Variants in CRADD observed in about 807,000 individuals in gnomAD.
CRADD encodes death domain-containing protein CRADD.
Under a neutral mutation model 15.5 loss-of-function variants are expected in CRADD, and 9 were observed. The observed-to-expected ratio is 0.58, with a 90% CI of 0.35 to 1.01. The LOEUF (loss-of-function observed/expected upper bound fraction) is 1.01. Among genes scored for constraint, CRADD ranks in the 50% least tolerant of loss-of-function variants. The pLI, the probability that CRADD is intolerant of heterozygous loss-of-function variation, is 0.02. For synonymous variants in CRADD, 118 were observed against 107.6 expected (o/e 1.10, Z -0.60); for missense variants, 227 against 250.3 (o/e 0.91, Z 0.63).
chr12:93,852,188 C>T (rs1958230682), downstream of CRADD, among the ~76,000 whole-genome samples: 1 of 152,144 alleles, frequency 6.6e-6, no homozygotes, highest in Non-Finnish European at 1.5e-5. Flanking sequence ...TGCTGTCTTC[C>T]CCCTGGGTTT....
intron 2 of CRADD, among the ~76,000 whole-genome samples, chr12:93,742,480 G>C (rs1288781783): frequency 1.4e-5 from 2 of 146,802 alleles, no homozygotes; most frequent in Non-Finnish European, 1.5e-5. Context: ...AGCCCAGCGC[G>C]GGGAGGCGGC....
chr12:93,845,093 C>A (rs1326899172), intron 2 of CRADD, among the ~76,000 whole-genome samples: 1 of 152,178 alleles, frequency 6.6e-6, no homozygotes, highest in Non-Finnish European at 1.5e-5. Flanking sequence ...TGAGTCTGCC[C>A]TGGTTTGGCA....
At chr12:93,844,004 G>A (rs1303557705) in intron 2 of CRADD, among the ~76,000 whole-genome samples, 1 of 152,180 alleles carries the variant, frequency 6.6e-6, no homozygotes. Flanking sequence ...TTACAGACAT[G>A]AGCCACCGCA....
At chr12:93,743,527 C>T (rs568151421) in intron 2 of CRADD, among the ~76,000 whole-genome samples, 5 of 152,220 alleles carry the variant, frequency 3.3e-5, no homozygotes, top group East Asian at 1.9e-4. Flanking sequence ...GATTTGGTTT[C>T]GCCATGTTGC....
intron 2 of CRADD, among the ~76,000 whole-genome samples, chr12:93,750,314 A>G (rs1188683717): frequency 2.0e-5 from 3 of 151,290 alleles, no homozygotes; most frequent in Non-Finnish European, 3.0e-5. Flanking sequence ...TGGTAATAAG[A>G]TGAAAGAATG....
At chr12:93,850,993 T>C (rs1015705995), downstream of CRADD, among the ~76,000 whole-genome samples, 3 of 152,164 alleles carry the variant, frequency 2.0e-5, no homozygotes, top group Non-Finnish European at 4.4e-5. This position sits in a 1 kb window ranked among gnomAD's most constrained non-coding sequence, Gnocchi z 4.0. Context: ...GAGCCCTTCA[T>C]CTTTAAAAGA....
intron 2 of CRADD, among the ~76,000 whole-genome samples, chr12:93,711,900 C>T (rs541471107): frequency 7.2e-5 from 11 of 152,126 alleles, no homozygotes; most frequent in Admixed American, 2.0e-4. Flanking sequence ...GGATTACAGG[C>T]GTGAGCCACC....
intron 2 of CRADD, among the ~76,000 whole-genome samples, chr12:93,731,759 A>G (rs1956468866): frequency 1.3e-5 from 2 of 152,246 alleles, no homozygotes; most frequent in Admixed American, 1.3e-4. Context: ...CTTCTGGTTT[A>G]GAAAAGAATT....
intron 2 of CRADD, among the ~76,000 whole-genome samples, chr12:93,722,131 G>A (rs953819927): frequency 2.0e-5 from 3 of 152,080 alleles, no homozygotes; most frequent in Admixed American, 6.5e-5. Flanking sequence ...AAGTTGGTGG[G>A]TTTTTTCTTT....
chr12:93,885,849 G>A (rs544186779), intron 2 of CRADD, among the ~76,000 whole-genome samples: 1 of 152,154 alleles, frequency 6.6e-6, no homozygotes, highest in Non-Finnish European at 1.5e-5. Flanking sequence ...GACCAGCCTG[G>A]CCAACATGGC....
chr12:93,881,241 C>T (rs1958497716), intron 2 of CRADD, among the ~76,000 whole-genome samples: 1 of 152,136 alleles, frequency 6.6e-6, no homozygotes, highest in African/African-American at 2.4e-5. Context: ...TTAAGAAAGA[C>T]TGAGTCCTCT....
intron 2 of CRADD, among the ~76,000 whole-genome samples, chr12:93,778,904 G>A (rs1957169594): frequency 6.6e-6 from 1 of 152,098 alleles, no homozygotes; most frequent in Non-Finnish European, 1.5e-5. Flanking sequence ...TGAGTTGAGG[G>A]TATAAGATTT....
In CRADD at chr12:93,787,971, T is replaced by C. The variant is rs920462071; in HGVS notation, c.299-61999T>C. ...AATAGTAGTGTTGGTAATTATCCTG[T>C]CTTTTCCTTGTAGGATTATTTGGAG... is the stretch of plus-strand genomic sequence containing the variant. On this transcript the variant is annotated intron_variant, in intron 2 of 2. Coordinates refer to ENST00000332896, the MANE Select transcript of CRADD (RefSeq NM_003805.5). Among the ~76,000 whole-genome samples, 6 of 152,318 alleles carry C rather than the reference T, an allele frequency of 3.9e-5. No homozygotes were observed. The South Asian group carries it at 1.2e-3, about 32-fold the overall frequency.
chr12:93,779,538 A>G (rs528614438), intron 2 of CRADD, among the ~76,000 whole-genome samples: 26 of 152,210 alleles, frequency 1.7e-4, no homozygotes, highest in Admixed American at 8.5e-4. Flanking sequence ...AAATAAAAAG[A>G]AAGTTTCTGA....
rs570897570 is a variant in CRADD, at chr12:93,772,899, T to G, written c.299-77071T>G. Among the ~76,000 whole-genome samples the G allele has an allele frequency of 3.9e-5, 6 of 152,292 alleles. No individual in the cohort carries two copies. In the East Asian group the frequency reaches 9.7e-4, roughly 25 times the overall value. ...GGCACCTGCAGGAACTGTTTGCAAC[T>G]GGGAAGGGTACCCAGAAGCAAGGAG... is the stretch of plus-strand genomic sequence containing the variant. On this transcript the variant is annotated intron_variant, in intron 2 of 2. Coordinates refer to ENST00000332896, the MANE Select transcript of CRADD (RefSeq NM_003805.5).
chr12:93,703,599 C>A (rs12818549), intron 2 of CRADD, among the ~76,000 whole-genome samples: 22 of 151,788 alleles, frequency 1.4e-4, no homozygotes, highest in African/African-American at 5.1e-4. Context: ...TGAGCTCAAG[C>A]GATCTGCCCA....
chr12:93,820,164 C>G (rs182246114), intron 2 of CRADD, among the ~76,000 whole-genome samples: 6 of 152,274 alleles, frequency 3.9e-5, no homozygotes, highest in Admixed American at 2.0e-4. Flanking sequence ...ATCTTTGGAG[C>G]CTGTCTTTTT....
intron 2 of CRADD, among the ~76,000 whole-genome samples, chr12:93,735,220 C>A (rs1455092982): frequency 3.9e-5 from 6 of 152,194 alleles, no homozygotes; most frequent in Non-Finnish European, 7.3e-5. Flanking sequence ...TGGTTTGTTC[C>A]ATCTCACTTC....
intron 2 of CRADD, among the ~76,000 whole-genome samples, chr12:93,800,476 G>C (rs12305863): frequency 0.3 from 45,258 of 152,034 alleles, 7,081 homozygotes; most frequent in East Asian, 0.54. Context: ...GGAGGGACCT[G>C]GTGGGAGATG....
Sources: allele counts gnomAD v4.1 joint callset (sites outside exome capture counted in the v4.1 genomes callset), GRCh38; gene constraint gnomAD v4.1.1; non-coding constraint Gnocchi (gnomAD v3.1); transcripts MANE v1.5; gene names NCBI Gene and HGNC (gene_info 2026-07-23, HGNC 2026-07-21).